The following ARMH1 variants were observed in gnomAD, a reference collection of about 807,000 sequenced individuals.
ARMH1 encodes armadillo-like helical domain containing protein 1.
Under a neutral mutation model 50.2 loss-of-function variants are expected in ARMH1, and 34 were observed. That is an observed-to-expected ratio of 0.68 (90% CI 0.51 to 0.90). The LOEUF (loss-of-function observed/expected upper bound fraction) is 0.90. Among genes scored for constraint, ARMH1 ranks in the 40% least tolerant of loss-of-function variants. The probability of loss-of-function intolerance (pLI) is 0.00; values close to 1 mark genes in which losing one functional copy is unlikely to be tolerated. For missense variants in ARMH1, 538 were observed against 553.9 expected (o/e 0.97, Z 0.29); for synonymous variants, 221 against 224.2 (o/e 0.99, Z 0.13).
intron 6 of ARMH1, among the ~76,000 whole-genome samples, chr1:44,710,252 C>T (rs1429384308): frequency 2.0e-5 from 3 of 152,056 alleles, no homozygotes; most frequent in East Asian, 3.8e-4. Context: ...TAGTTTCCTT[C>T]GGTTCTTGGC....
intron 6 of ARMH1, among the ~76,000 whole-genome samples, chr1:44,704,803 C>T (rs1325526787): frequency 1.3e-5 from 2 of 151,620 alleles, no homozygotes; most frequent in Admixed American, 6.6e-5. Flanking sequence ...TGAGCCACTG[C>T]ACCCGGCCAG....
rs1431957065 is a variant in ARMH1 at position 44,682,454 on chromosome 1, T to C, written c.-22-7222T>C. Among the ~76,000 whole-genome samples, 1 of 152,080 alleles carries C rather than the reference T, an allele frequency of 6.6e-6. No individual in the cohort carries two copies. The highest frequency in any genetic ancestry group is 1.9e-4 in the East Asian group (1 of 5,180). On this transcript the variant is annotated intron_variant, in intron 1 of 11. Coordinates refer to ENST00000535358, the MANE Select transcript of ARMH1 (RefSeq NM_001145636.2). This position sits in a 1 kb window ranked among gnomAD's most constrained non-coding sequence, Gnocchi z 4.5. ...GATAGTGGGCAGCCCCCTTCCTGATTTAGAAGCAGCAGCAGCATGGGTTGA... is the reference window on the plus strand; with the variant it reads ...GATAGTGGGCAGCCCCCTTCCTGATCTAGAAGCAGCAGCAGCATGGGTTGA...
At chr1:44,687,769 C>T (rs1645522653) in intron 1 of ARMH1, among the ~76,000 whole-genome samples, 1 of 152,194 alleles carries the variant, frequency 6.6e-6, no homozygotes, top group African/African-American at 2.4e-5. Flanking sequence ...ACAGCTGCAT[C>T]ACAGTGACGT....
intron 6 of ARMH1, among the ~76,000 whole-genome samples, chr1:44,717,989 A>G (rs1340455026): frequency 6.6e-6 from 1 of 152,260 alleles, no homozygotes; most frequent in Non-Finnish European, 1.5e-5. Context: ...CAGTGAATAA[A>G]TCTTCATTTT....
At chr1:44,687,326 A>G (rs958253379) in intron 1 of ARMH1, among the ~76,000 whole-genome samples, 1 of 152,150 alleles carries the variant, frequency 6.6e-6, no homozygotes, top group African/African-American at 2.4e-5. Context: ...CATAGTTTAA[A>G]CCTAATTTCC....
At position 44,724,979 on chromosome 1, in the gene ARMH1, C is replaced by A; in HGVS notation, c.1128+140C>A. On this transcript the variant is annotated intron_variant, in intron 10 of 11. Transcript: ENST00000535358. This position sits in a 1 kb window ranked among gnomAD's most constrained non-coding sequence, Gnocchi z 6.4. ...CCAGCTGCAGGAGGGACTGCTCTGGCGTAGGCTCCTCCACCCGCCACCTTC... is the reference window on the plus strand; with the variant it reads ...CCAGCTGCAGGAGGGACTGCTCTGGAGTAGGCTCCTCCACCCGCCACCTTC... The A allele has an allele frequency of 6.7e-7, 1 of 1,501,766 alleles. No homozygotes were observed. The highest frequency in any genetic ancestry group is 8.9e-7 in the Non-Finnish European group (1 of 1,122,830). The allele number at this position is 1,501,766 out of a possible 1,614,324, so 93.0% of individuals were successfully genotyped here.
chr1:44,680,188 T>C (rs1645262274), intron 1 of ARMH1, among the ~76,000 whole-genome samples: 1 of 152,040 alleles, frequency 6.6e-6, no homozygotes, highest in South Asian at 2.1e-4. Context: ...TGTTTGTTTG[T>C]TTGTTTGTTG....
chr1:44,697,039 G>A, intron 2 of ARMH1, 63 bp from the exon 3 acceptor site: 1 of 1,282,896 alleles, frequency 7.8e-7, no homozygotes, highest in Non-Finnish European at 1.1e-6. Context: ...CAGAGATCAG[G>A]CACGGGCTCT....
rs191466391 is a variant in ARMH1, at chr1:44,710,523, G to A, written c.724+6350G>A. On this transcript the variant is annotated intron_variant, in intron 6 of 11. Coordinates refer to ENST00000535358, the MANE Select transcript of ARMH1 (RefSeq NM_001145636.2). The stretch of plus-strand genomic sequence containing the variant: ...ACTCGGGAGGCTGAGGCAGGAGAAT[G>A]GCGTGAACCCAGGAGGTGGAGCTTG... Among the ~76,000 whole-genome samples, 363 of 148,828 alleles carry A rather than the reference G, an allele frequency of 2.4e-3. 2 individuals carry two copies. Among genetic ancestry groups the A allele is most frequent in the African/African-American group, 8.4e-3 (337 of 40,300 alleles).
chr1:44,699,781 AT>A (rs1487347123), intron 4 of ARMH1, among the ~76,000 whole-genome samples: 1 of 151,542 alleles, frequency 6.6e-6, no homozygotes, highest in Non-Finnish European at 1.5e-5. Flanking sequence ...GAAGTGAGGC[AT>A]GTAAAAGAGA....
intron 1 of ARMH1, among the ~76,000 whole-genome samples, chr1:44,686,912 A>G (rs951801556): frequency 5.9e-5 from 9 of 151,666 alleles, no homozygotes; most frequent in African/African-American, 2.2e-4. Context: ...GTGAATAGCC[A>G]CTGCACTGCA....
At chr1:44,684,450 G>A (rs1248863198) in intron 1 of ARMH1, 1 of 152,198 alleles carries the variant, frequency 6.6e-6, no homozygotes, top group African/African-American at 2.4e-5. Context: ...GTTCATGGAA[G>A]GAGGCAACAG....
chr1:44,718,634 C>T (rs11211024), intron 6 of ARMH1, among the ~76,000 whole-genome samples: 34,239 of 152,086 alleles, frequency 0.23, 4,662 homozygotes, highest in African/African-American at 0.39. Flanking sequence ...TCTGGGCAAC[C>T]AGAGGCTGCA....
At chr1:44,701,176 TA>T (rs1646065774) in intron 5 of ARMH1, 57 bp downstream of exon 5, 1 of 1,448,554 alleles carries the variant, frequency 6.9e-7, no homozygotes, top group Non-Finnish European at 9.2e-7. Flanking sequence ...ATCTTACAAT[TA>T]CCTTCCGCAG....
intron 4 of ARMH1, among the ~76,000 whole-genome samples, chr1:44,700,711 T>C (rs11585861): frequency 0.12 from 18,127 of 151,936 alleles, 1,224 homozygotes; most frequent in African/African-American, 0.19. Context: ...TTAAAACAGA[T>C]TTTGACATGC....
chr1:44,724,327 G>A lies in ARMH1; in HGVS notation c.855G>A (p.Ser285=). 6.4e-7 allele frequency: 1 copy of A among 1,551,530 alleles called. No individual in the cohort carries two copies. Among genetic ancestry groups the A allele is most frequent in the African/African-American group, 1.4e-5 (1 of 73,170 alleles). Residue 285 remains serine, a synonymous_variant, in exon 8 of 12, where the codon TCG becomes TCA. Transcript: ENST00000535358. The surrounding 1 kb of genome is among the most constrained non-coding windows in gnomAD (Gnocchi z 6.4). ...KLQAKILSDP[S]VLQLTPSLPM... ...CGGCTGCCCCCTCCTCAGACCCCTC[G>A]GTTCTCCAGCTCACCCCCAGCCTGC...
At position 44,698,069 on chromosome 1, in the gene ARMH1, G is replaced by T; in HGVS notation, c.282G>T (p.Arg94=). The change falls in exon 4 of 12, where the codon CGG becomes CGT. Residue 94 remains arginine, a synonymous_variant. Transcript: ENST00000535358. The stretch of plus-strand genomic sequence containing the variant: ...TTTCTATCCCTCTGGACAGTAATCG[G>T]TACCTTATAGAATTTCTTGAGGTTG... ...GIFLSAVSSN[R]YLIEFLEVGG... 1 of 1,549,016 alleles carries T rather than the reference G, an allele frequency of 6.5e-7. No homozygotes were observed. The highest frequency in any genetic ancestry group is 8.7e-7 in the Non-Finnish European group (1 of 1,145,010).
rs1220483874 is a variant in ARMH1 at position 44,724,695 on chromosome 1, G to T, written c.1050+27G>T. ...TGCGCGCGGCGGCTGGTTAGGGGGC[G>T]GGAAGGGCGGCGGCACCCGCAGCCC... On this transcript the variant is annotated intron_variant, in intron 9 of 11. Transcript: ENST00000535358. This position sits in a 1 kb window ranked among gnomAD's most constrained non-coding sequence, Gnocchi z 6.4. 3 of 1,480,544 alleles carry T rather than the reference G, an allele frequency of 2.0e-6. No homozygotes were observed. Among genetic ancestry groups the T allele is most frequent in the African/African-American group, 1.5e-5 (1 of 68,158 alleles). 91.7% of individuals were successfully genotyped at this position (1,480,544 alleles called of 1,614,324 possible). A position where few individuals can be genotyped will look rare whatever the true frequency, so the allele number is the denominator to read the frequency against.
At position 44,698,201 on chromosome 1, in the gene ARMH1, A is replaced by G. The variant is rs1645893873; in HGVS notation, c.414A>G (p.Thr138=). The part of the protein sequence containing the change: ...LLQVIANSGR[T]YKELICESYG... ...AGGTTATTGCGAACTCTGGCAGGAC[A>G]TACAAGGAACTCATTTGTGAAAGCT... The change falls in exon 4 of 12, where the codon ACA becomes ACG. Residue 138 remains threonine (T), a synonymous_variant. Coordinates refer to ENST00000535358, the MANE Select transcript of ARMH1 (RefSeq NM_001145636.2). 6.4e-7 allele frequency: 1 copy of G among 1,552,158 alleles called. No homozygotes were observed. The highest frequency in any genetic ancestry group is 2.0e-5 in the Admixed American group (1 of 50,976).
Sources: gnomAD v4.1 joint callset for allele counts (sites outside exome capture counted in the v4.1 genomes callset) on GRCh38, gnomAD v4.1.1 for gene constraint, Gnocchi (gnomAD v3.1) non-coding constraint, MANE v1.5 for transcripts, NCBI Gene and HGNC (gene_info 2026-07-23, HGNC 2026-07-21) for gene names.